TUT4: variants seen among roughly 807,000 people sequenced by gnomAD.
The protein encoded by TUT4 is terminal uridylyl transferase 4.
TUT4 carries 36 observed loss-of-function variants against 192.2 expected under a neutral mutation model. That is an observed-to-expected ratio of 0.19 (90% confidence interval 0.14 to 0.25). TUT4 has a LOEUF of 0.25. Ranked by LOEUF, TUT4 falls within the 10% of genes least tolerant of loss-of-function variation. TUT4 has a pLI of 1.00. For synonymous variants in TUT4, 618 were observed against 666.0 expected, an observed-to-expected ratio of 0.93 and a Z score of 1.11; for missense variants, 1,493 against 1,957.2, an observed-to-expected ratio of 0.76 and a Z score of 4.47.
At chr1:52,522,590 C>T (rs527984110) in intron 2 of TUT4, among the ~76,000 whole-genome samples, 68 of 152,202 alleles carry the variant, frequency 4.5e-4, no homozygotes, top group Non-Finnish European at 7.2e-4. Flanking sequence ...ATATTCTTAA[C>T]TATCTCTCTA....
rs1393109014 is a variant in TUT4, at chr1:52,438,291, A to G, written c.3867T>C (p.Ala1289=). 1 of 1,613,782 alleles carries G rather than the reference A, an allele frequency of 6.2e-7. No individual in the cohort carries two copies. Among genetic ancestry groups the G allele is most frequent in the Non-Finnish European group, 8.5e-7 (1 of 1,179,928 alleles). ...ACACACGGCAACATCTATCATTGGGAGCCAGTTCTCCATCTGTTAATACTC... is the reference window on the plus strand; with the variant it reads ...ACACACGGCAACATCTATCATTGGGGGCCAGTTCTCCATCTGTTAATACTC... ...DSRVLTDGEL[A]PNDRCCRVCG... is the part of the protein sequence containing the mutation. Residue 1289 remains alanine (A), a synonymous_variant, in exon 25 of 30, where the codon GCT becomes GCC. Coordinates refer to ENST00000257177, the MANE Select transcript of TUT4 (RefSeq NM_001009881.3).
chr1:52,477,834 A>T lies in TUT4; in HGVS notation c.1897T>A (p.Trp633Arg), dbSNP rs1473130966. The T allele has an allele frequency of 6.2e-7, 1 of 1,613,896 alleles. No individual in the cohort carries two copies. Reference protein sequence around the residue: ...TPNRVSLGQLWLELLKFYTLD... With the variant: ...TPNRVSLGQLRLELLKFYTLD... ...GTGTAGAATTTAAGCAGCTCTAACC[A>T]TAACTGTCCCAAGGATACCCGATTT... The change falls in exon 12 of 30, where the codon TGG becomes AGG. Residue 633 changes from tryptophan (W) to arginine (R), a missense_variant. Around this residue, in one of 7 missense-constraint regions of TUT4, gnomAD observed 437 missense variants for 577.6 expected, o/e 0.76. Transcript: ENST00000257177.
chr1:52,520,581 T>A (rs1034630766), intron 2 of TUT4, among the ~76,000 whole-genome samples: 1 of 152,178 alleles, frequency 6.6e-6, no homozygotes, highest in Non-Finnish European at 1.5e-5. Flanking sequence ...CATATACACA[T>A]TAAAGTTTGA....
chr1:52,524,292 T>C (rs183663061), intron 2 of TUT4, among the ~76,000 whole-genome samples: 382 of 152,282 alleles, frequency 2.5e-3, no homozygotes, highest in Non-Finnish European at 3.2e-3. Flanking sequence ...TCCCAGCACT[T>C]TGGGAGGCCG....
At chr1:52,549,714 A>C (rs1468413200) in intron 1 of TUT4, among the ~76,000 whole-genome samples, 1 of 152,174 alleles carries the variant, frequency 6.6e-6, no homozygotes, top group Non-Finnish European at 1.5e-5. Flanking sequence ...TAATTCTATG[A>C]TCTTCAGCAA....
rs1679191734 is a variant in TUT4, at chr1:52,518,074, A to G, written c.719-2020T>C. ...TCCTAAATTGTGTTCCAAAAACAAT[A>G]GTTCATTACATGTTAATACTCTCAC... On this transcript the variant is annotated intron_variant, in intron 2 of 29. Coordinates refer to ENST00000257177, the MANE Select transcript of TUT4 (RefSeq NM_001009881.3). Among the ~76,000 whole-genome samples the G allele has an allele frequency of 4.6e-5, 7 of 152,256 alleles. 1 individual carries two copies. In the South Asian group the frequency reaches 1.4e-3, roughly 31 times the overall value.
At chr1:52,449,753 C>T (rs560973401) in intron 20 of TUT4, among the ~76,000 whole-genome samples, 1 of 152,318 alleles carries the variant, frequency 6.6e-6, no homozygotes, top group East Asian at 1.9e-4. Context: ...AACTAAAACT[C>T]TGTATTTATG....
At position 52,468,219 on chromosome 1, in the gene TUT4, A is replaced by G. The variant is rs1664767300; in HGVS notation, c.2927T>C (p.Leu976Ser). The stretch of plus-strand genomic sequence containing the variant: ...TTGAATAAACTTTTCCAAGCCAATT[A>G]AAATTTGCTCCCTGTTGTGTTGTTC... The part of the protein sequence containing the change: ...CSEQHNREQI[L>S]IGLEKFIQKE... Residue 976 changes from leucine to serine, a missense_variant, in exon 15 of 30, where the codon TTA (leucine) becomes TCA (serine). By Grantham distance (145) the Leu-to-Ser change is moderately radical (BLOSUM62 -2). Around this residue, in one of 7 missense-constraint regions of TUT4, gnomAD observed 59 missense variants for 114.3 expected, o/e 0.52. Coordinates refer to ENST00000257177, the MANE Select transcript of TUT4 (RefSeq NM_001009881.3). 6.2e-7 allele frequency: 1 copy of G among 1,610,686 alleles called. No individual in the cohort carries two copies.
At chr1:52,473,310 T>C (rs1666259039) in intron 13 of TUT4, among the ~76,000 whole-genome samples, 1 of 152,114 alleles carries the variant, frequency 6.6e-6, no homozygotes, top group East Asian at 1.9e-4. Context: ...AAAGTTTCAT[T>C]TGTGCAAAAT....
chr1:52,544,729 C>G (rs1687618429), intron 1 of TUT4, among the ~76,000 whole-genome samples: 1 of 152,020 alleles, frequency 6.6e-6, no homozygotes, highest in Non-Finnish European at 1.5e-5. Flanking sequence ...AAATTTAAAA[C>G]TTTTGTTAAT....
intron 1 of TUT4, among the ~76,000 whole-genome samples, chr1:52,530,562 A>G (rs1225528337): frequency 1.3e-5 from 2 of 152,242 alleles, no homozygotes; most frequent in African/African-American, 4.8e-5. Context: ...TTTTCTTGTA[A>G]GAGTAGCCAA....
intron 2 of TUT4, among the ~76,000 whole-genome samples, chr1:52,525,198 A>G (rs1248088046): frequency 6.6e-6 from 1 of 152,190 alleles, no homozygotes; most frequent in African/African-American, 2.4e-5. Flanking sequence ...CTTGATATAT[A>G]TATAAGAAGA....
At chr1:52,444,973 A>ATATGTGTGTATATACATGTATATACATG (rs1557670907) in intron 24 of TUT4, among the ~76,000 whole-genome samples, 11 of 149,796 alleles carry the variant, frequency 7.3e-5, no homozygotes, top group East Asian at 2.0e-4. Flanking sequence ...ATATACATGT[A>ATATGTGTGTATATACATGTATATACATG]TATGTGTGTA....
At chr1:52,491,406 T>C (rs1001604113) in intron 7 of TUT4, among the ~76,000 whole-genome samples, 1 of 152,020 alleles carries the variant, frequency 6.6e-6, no homozygotes, top group African/African-American at 2.4e-5. Flanking sequence ...AACAGATAGA[T>C]TGGCCGGGCA....
At chr1:52,439,068 TAAAAA>T (rs984014427) in intron 24 of TUT4, among the ~76,000 whole-genome samples, 1 of 79,292 alleles carries the variant, frequency 1.3e-5, no homozygotes, top group Non-Finnish European at 2.4e-5. Context: ...AGACTCCATC[TAAAAA>T]AAAAAAAAAA....
Position 52,431,132 on chromosome 1 carries a change from A to C in TUT4, c.4592T>G (p.Ile1531Ser). The C allele has an allele frequency of 6.2e-7, 1 of 1,614,238 alleles. No individual in the cohort carries two copies. The highest frequency in any genetic ancestry group is 8.5e-7 in the Non-Finnish European group (1 of 1,180,030). ...TCTGGCAGCAGGCTGTGCAAAGATG[A>C]TGCTGGGATCATTTAGGCCAATATT... ...PSNIGLNDPS[I>S]IFAQPAARPV... Residue 1531 changes from isoleucine (I) to serine (S), a missense_variant, in exon 28 of 30, where the codon ATC becomes AGC. Coordinates refer to ENST00000257177, the MANE Select transcript of TUT4 (RefSeq NM_001009881.3).
chr1:52,548,722 A>T (rs1193493015), intron 1 of TUT4, among the ~76,000 whole-genome samples: 2 of 152,240 alleles, frequency 1.3e-5, no homozygotes, highest in Non-Finnish European at 2.9e-5. Context: ...ATATCCACTT[A>T]AAGCAATCAG....
intron 1 of TUT4, among the ~76,000 whole-genome samples, chr1:52,548,163 C>A (rs1486952966): frequency 2.0e-5 from 3 of 152,070 alleles, no homozygotes; most frequent in Non-Finnish European, 4.4e-5. Flanking sequence ...CTCAGAGACA[C>A]CCCTCTCCAA....
At chr1:52,515,415 G>A (rs17107265) in intron 3 of TUT4, 15,060 of 167,904 alleles carry the variant, frequency 0.09, 830 homozygotes, top group East Asian at 0.2. Context: ...ATAAAGGGGC[G>A]AATAAATATT....
Sources: allele counts gnomAD v4.1 joint callset (sites outside exome capture counted in the v4.1 genomes callset), GRCh38; gene constraint gnomAD v4.1.1; regional missense constraint gnomAD v4.1.1; transcripts MANE v1.5; gene names NCBI Gene and HGNC (gene_info 2026-07-23, HGNC 2026-07-21).